Variants in SPATA6 observed in about 807,000 individuals in gnomAD.
SPATA6 encodes spermatogenesis associated 6, also known as spermatogenesis-associated protein 6.
In SPATA6, 56 loss-of-function variants were observed where a neutral mutation model predicts 65.3. That is an observed-to-expected ratio of 0.86 (90% CI 0.69 to 1.07). SPATA6 has a LOEUF of 1.07. Among genes scored for constraint, SPATA6 ranks in the 50% least tolerant of loss-of-function variants. SPATA6 has a pLI of 0.00. For missense variants in SPATA6, 590 were observed against 594.8 expected, an observed-to-expected ratio of 0.99 and a Z score of 0.08; for synonymous variants, 199 against 213.2, an observed-to-expected ratio of 0.93 and a Z score of 0.58.
chr1:48,340,723 A>G lies in SPATA6; in HGVS notation c.1194+14947T>C, dbSNP rs77405615. Among the ~76,000 whole-genome samples the G allele has an allele frequency of 9.0e-3, 1,372 of 152,206 alleles. 19 individuals carry two copies. Among genetic ancestry groups the G allele is most frequent in the African/African-American group, 0.031 (1,294 of 41,560 alleles). ...AAGTAATTAAATGATTACAGTAAGT[A>G]AATCAAAAGAAAAGTTAAATAATAT... is the stretch of plus-strand genomic sequence containing the variant. On this transcript the variant is annotated intron_variant, in intron 11 of 12. Coordinates refer to ENST00000371847, the MANE Select transcript of SPATA6 (RefSeq NM_019073.4).
intron 11 of SPATA6, among the ~76,000 whole-genome samples, chr1:48,349,283 G>A (rs1383764067): frequency 6.6e-6 from 1 of 151,946 alleles, no homozygotes; most frequent in African/African-American, 2.4e-5. Flanking sequence ...AAAGTAAAAA[G>A]TATTTAACAT....
chr1:48,448,088 C>T (rs189779015), intron 3 of SPATA6: 13 of 151,898 alleles, frequency 8.6e-5, no homozygotes, highest in Admixed American at 5.2e-4. Context: ...GGTAAAACCC[C>T]ATCTCTACAA....
At chr1:48,427,745 T>C (rs374135065) in intron 3 of SPATA6, among the ~76,000 whole-genome samples, 2 of 152,288 alleles carry the variant, frequency 1.3e-5, no homozygotes, top group African/African-American at 2.4e-5. Flanking sequence ...AGAGGGTACA[T>C]GTGCAGGTTT....
downstream of SPATA6, among the ~76,000 whole-genome samples, chr1:48,291,788 CAGT>C (rs1462374797): frequency 1.3e-5 from 2 of 152,176 alleles, no homozygotes; most frequent in African/African-American, 4.8e-5. Flanking sequence ...GGTGTTCCTG[CAGT>C]AGTTCTAAGA....
Position 48,437,800 on chromosome 1 carries a change from T to TA in SPATA6, c.238+13751dup, listed in dbSNP as rs1421038377. ...ACAGAAATTGTAATTTGCTTTTTTT[T>TA]AAAAAAGGGGGCTAAAGTAACACTT... is the stretch of plus-strand genomic sequence containing the variant. On this transcript the variant is annotated intron_variant, in intron 3 of 12. Coordinates refer to ENST00000371847, the MANE Select transcript of SPATA6 (RefSeq NM_019073.4). 5.8e-4 allele frequency among the ~76,000 whole-genome samples: 88 copies of TA among 151,760 alleles called. 1 individual carries two copies. Among genetic ancestry groups the TA allele is most frequent in the African/African-American group, 2.0e-3 (83 of 41,422 alleles).
chr1:48,454,022 T>TG (rs1656809523), intron 1 of SPATA6, among the ~76,000 whole-genome samples: 1 of 151,096 alleles, frequency 6.6e-6, no homozygotes, highest in African/African-American at 2.4e-5. Context: ...TTTTTTTTTT[T>TG]AGATGGGGTC....
intron 11 of SPATA6, among the ~76,000 whole-genome samples, chr1:48,353,722 T>G (rs1334891765): frequency 6.6e-6 from 1 of 151,972 alleles, no homozygotes; most frequent in African/African-American, 2.4e-5. Flanking sequence ...TCATGAGACT[T>G]GAACCTTTCT....
chr1:48,439,382 G>A (rs893012551), intron 3 of SPATA6, among the ~76,000 whole-genome samples: 5 of 151,432 alleles, frequency 3.3e-5, no homozygotes, highest in East Asian at 1.9e-4. Context: ...GGACCATTGC[G>A]GGTTCTTGGG....
intron 9 of SPATA6, among the ~76,000 whole-genome samples, chr1:48,363,216 A>G (rs1310592126): frequency 6.6e-6 from 1 of 152,154 alleles, no homozygotes; most frequent in Non-Finnish European, 1.5e-5. Flanking sequence ...ATAAGAATCC[A>G]TTTCAAACTT....
chr1:48,369,168 A>C (rs1268966535), intron 9 of SPATA6, among the ~76,000 whole-genome samples: 3 of 152,132 alleles, frequency 2.0e-5, no homozygotes, highest in African/African-American at 7.2e-5. Flanking sequence ...GTCTCAGAGG[A>C]GTACCCGGCC....
At chr1:48,388,345 C>T (rs1260420776) in intron 8 of SPATA6, among the ~76,000 whole-genome samples, 8 of 152,088 alleles carry the variant, frequency 5.3e-5, no homozygotes, top group Non-Finnish European at 1.5e-5. Flanking sequence ...AAAAGTCCCC[C>T]CAAAACAAAA....
At chr1:48,370,874 T>A (rs1284368912) in intron 9 of SPATA6, among the ~76,000 whole-genome samples, 1 of 152,170 alleles carries the variant, frequency 6.6e-6, no homozygotes, top group Non-Finnish European at 1.5e-5. Context: ...CCACAAAGGA[T>A]GGGCTCACGA....
chr1:48,366,691 T>A (rs1264882765), intron 9 of SPATA6, among the ~76,000 whole-genome samples: 1 of 152,218 alleles, frequency 6.6e-6, no homozygotes, highest in Non-Finnish European at 1.5e-5. Flanking sequence ...TCTCTTTTCT[T>A]CTTTATTAAT....
At chr1:48,345,605 A>G (rs182467973) in intron 11 of SPATA6, among the ~76,000 whole-genome samples, 2 of 152,168 alleles carry the variant, frequency 1.3e-5, no homozygotes, top group African/African-American at 4.8e-5. Flanking sequence ...AGCTAGACTA[A>G]TAAAGAAGAA....
chr1:48,421,499 G>A (rs1004754302), intron 3 of SPATA6, among the ~76,000 whole-genome samples: 3 of 151,940 alleles, frequency 2.0e-5, no homozygotes, highest in Non-Finnish European at 4.4e-5. Context: ...CACATCTTAT[G>A]GTTATATTGC....
Position 48,311,485 on chromosome 1 carries a change from A to T in SPATA6, c.1195-5607T>A, listed in dbSNP as rs527309785. Among the ~76,000 whole-genome samples the T allele has an allele frequency of 3.9e-5, 6 of 152,298 alleles. 1 individual carries two copies. The South Asian group carries it at 1.2e-3, about 32-fold the overall frequency. On this transcript the variant is annotated intron_variant, in intron 11 of 12. Coordinates refer to ENST00000371847, the MANE Select transcript of SPATA6 (RefSeq NM_019073.4). The stretch of plus-strand genomic sequence containing the variant: ...AAGAACAAATTACTAGAAAGATAAA[A>T]ACTATTTAAACAGATCCAAGAAGAA...
At chr1:48,270,257 C>G in the SPATA6 span, among the ~76,000 whole-genome samples, 1 of 152,090 alleles carries the variant, frequency 6.6e-6, no homozygotes, top group Non-Finnish European at 1.5e-5. Context: ...CATACACTTC[C>G]GCCAATTTCT....
At chr1:48,396,767 A>T (rs1393863646) in intron 7 of SPATA6, among the ~76,000 whole-genome samples, 1 of 151,546 alleles carries the variant, frequency 6.6e-6, no homozygotes, top group Non-Finnish European at 1.5e-5. Context: ...GTTGGGGGAG[A>T]CAGGAATGGA....
chr1:48,342,155 T>C (rs1192143572), intron 11 of SPATA6, among the ~76,000 whole-genome samples: 1 of 152,188 alleles, frequency 6.6e-6, no homozygotes, highest in Non-Finnish European at 1.5e-5. Flanking sequence ...CTGTCACAAT[T>C]CTCACCTCTG....
Sources: allele counts gnomAD v4.1 joint callset (sites outside exome capture counted in the v4.1 genomes callset), GRCh38; gene constraint gnomAD v4.1.1; transcripts MANE v1.5; gene names NCBI Gene and HGNC (gene_info 2026-07-23, HGNC 2026-07-21).